Variants in COL22A1 observed in about 807,000 individuals in gnomAD.
COL22A1 encodes the protein collagen alpha-1(XXII) chain.
COL22A1 carries 221 observed loss-of-function variants against 248.9 expected under a neutral mutation model. That is an observed-to-expected ratio of 0.89 (90% CI 0.80 to 0.99). The LOEUF (loss-of-function observed/expected upper bound fraction) is 0.99. Ranked by LOEUF, COL22A1 falls within the 50% of genes least tolerant of loss-of-function variation. The pLI, the probability that COL22A1 is intolerant of heterozygous loss-of-function variation, is 0.00. For synonymous variants in COL22A1, 891 were observed against 793.4 expected, an observed-to-expected ratio of 1.12 and a Z score of -2.07; for missense variants, 2,240 against 2,179.0, an observed-to-expected ratio of 1.03 and a Z score of -0.56.
At chr8:138,692,353 C>G (rs905643184) in intron 35 of COL22A1, among the ~76,000 whole-genome samples, 2 of 104,886 alleles carry the variant, frequency 1.9e-5, no homozygotes, top group African/African-American at 3.3e-5. Context: ...TGTATGTGTG[C>G]ACATGTGTGC....
chr8:138,643,116 G>C (rs1821865579), intron 47 of COL22A1, among the ~76,000 whole-genome samples: 1 of 152,110 alleles, frequency 6.6e-6, no homozygotes, highest in Non-Finnish European at 1.5e-5. Context: ...TTAAGGATCA[G>C]TTAAAATTTG....
intron 13 of COL22A1, 69 bp downstream of exon 13, chr8:138,780,858 G>A (rs556052213): frequency 1.1e-5 from 15 of 1,327,180 alleles, no homozygotes; most frequent in South Asian, 8.2e-5. Flanking sequence ...TTAAGGACAC[G>A]GGGTTCTGAC....
intron 3 of COL22A1, among the ~76,000 whole-genome samples, chr8:138,854,916 T>C (rs1046251285): frequency 6.6e-6 from 1 of 151,868 alleles, no homozygotes; most frequent in Non-Finnish European, 1.5e-5. Flanking sequence ...GTGATGGTGA[T>C]GCTGATGGTG....
At chr8:138,760,162 G>C (rs910722731) in intron 18 of COL22A1, 81 bp downstream of exon 18, 2 of 1,250,600 alleles carry the variant, frequency 1.6e-6, no homozygotes, top group African/African-American at 1.6e-5. Flanking sequence ...CCCCTTCCCT[G>C]AGCCTGGTTT....
At chr8:138,696,766 C>T (rs1264408855) in intron 32 of COL22A1, among the ~76,000 whole-genome samples, 2 of 152,238 alleles carry the variant, frequency 1.3e-5, no homozygotes, top group East Asian at 1.9e-4. Flanking sequence ...GAGGTTTCAA[C>T]GGATGCCAGC....
intron 27 of COL22A1, among the ~76,000 whole-genome samples, chr8:138,720,296 C>A (rs1829769317): frequency 6.6e-6 from 1 of 152,180 alleles, no homozygotes; most frequent in South Asian, 2.1e-4. Flanking sequence ...GATTAGGAAG[C>A]ATCGCAGTGA....
intron 3 of COL22A1, among the ~76,000 whole-genome samples, chr8:138,857,935 G>A (rs763752927): frequency 1.1e-4 from 16 of 152,284 alleles, no homozygotes; most frequent in Non-Finnish European, 1.9e-4. Flanking sequence ...GTATAGCTTT[G>A]TGAACTGCTC....
At chr8:138,853,640 G>A (rs1201762370) in intron 3 of COL22A1, among the ~76,000 whole-genome samples, 3 of 152,252 alleles carry the variant, frequency 2.0e-5, no homozygotes, top group East Asian at 3.9e-4. Flanking sequence ...ATTATTCCAA[G>A]GAGCTCAACA....
At chr8:138,664,895 G>A (rs776952230) in intron 41 of COL22A1, among the ~76,000 whole-genome samples, 1 of 152,076 alleles carries the variant, frequency 6.6e-6, no homozygotes. Flanking sequence ...CCCTAGCAAC[G>A]CCAGGAGTCA....
At chr8:138,736,168 T>C (rs1456335855) in intron 23 of COL22A1, among the ~76,000 whole-genome samples, 2 of 151,930 alleles carry the variant, frequency 1.3e-5, no homozygotes, top group Admixed American at 1.3e-4. Flanking sequence ...CCTCCTTTTT[T>C]ATGGCGAGAG....
chr8:138,719,910 C>T (rs372095338), intron 27 of COL22A1, among the ~76,000 whole-genome samples: 49 of 152,270 alleles, frequency 3.2e-4, no homozygotes, highest in African/African-American at 1.0e-3. Flanking sequence ...GGGTGGAGGG[C>T]GGGAGGAGCA....
At chr8:138,683,780 CTG>C (rs1408951497) in intron 39 of COL22A1, among the ~76,000 whole-genome samples, 1 of 152,152 alleles carries the variant, frequency 6.6e-6, no homozygotes, top group Non-Finnish European at 1.5e-5. Flanking sequence ...TGAACTTTTA[CTG>C]TGTTAAGCCT....
At chr8:138,660,780 G>GCACA (rs909512784) in intron 43 of COL22A1, among the ~76,000 whole-genome samples, 17 of 128,250 alleles carry the variant, frequency 1.3e-4, no homozygotes, top group South Asian at 2.4e-4. Context: ...ATGCACGCAT[G>GCACA]CACACACACA....
rs1449478896 is a variant in COL22A1 at position 138,660,917 on chromosome 8, CACACACACAG to C, written c.3241-447_3241-438del. On this transcript the variant is annotated intron_variant, in intron 43 of 64. Coordinates refer to ENST00000303045, the MANE Select transcript of COL22A1 (RefSeq NM_152888.3). Reference sequence around the variant, plus strand: ...ACACACAAACACACACATACACAGACACACACACAGACACACAGACACACACATAAACACA... The same window carrying C: ...ACACACAAACACACACATACACAGACACACACAGACACACACATAAACACA... Among the ~76,000 whole-genome samples, 176 of 145,272 alleles carry C rather than the reference CACACACACAG, an allele frequency of 1.2e-3. 2 individuals carry two copies. The highest frequency in any genetic ancestry group is 4.4e-3 in the African/African-American group (165 of 37,206).
chr8:138,888,609 G>C (rs2132098796), intron 1 of COL22A1, among the ~76,000 whole-genome samples: 1 of 152,290 alleles, frequency 6.6e-6, no homozygotes, highest in South Asian at 2.1e-4. Context: ...AGAGCACAGG[G>C]TATAATAGTC....
chr8:138,871,707 AAT>A (rs1823358061), intron 3 of COL22A1, among the ~76,000 whole-genome samples: 1 of 152,170 alleles, frequency 6.6e-6, no homozygotes, highest in South Asian at 2.1e-4. Context: ...ATAAGTCAAT[AAT>A]ATGTGAAAAG....
chr8:138,802,177 G>A (rs1217352078), intron 11 of COL22A1, among the ~76,000 whole-genome samples: 1 of 152,134 alleles, frequency 6.6e-6, no homozygotes. Flanking sequence ...TAAGTATCTT[G>A]GTGAAGCCGG....
At chr8:138,662,180 G>A (rs1824026095) in intron 42 of COL22A1, 97 bp from the exon 43 acceptor site, 2 of 980,616 alleles carry the variant, frequency 2.0e-6, no homozygotes, top group African/African-American at 1.6e-5. Flanking sequence ...TCAACACATG[G>A]TCTGTTGCTA....
intron 8 of COL22A1, among the ~76,000 whole-genome samples, chr8:138,812,538 C>A (rs1031477912): frequency 4.6e-5 from 7 of 152,168 alleles, no homozygotes; most frequent in African/African-American, 1.4e-4. Flanking sequence ...AAGGGGCAAA[C>A]CCTGGTGTCT....
Sources: gnomAD v4.1 joint callset for allele counts (sites outside exome capture counted in the v4.1 genomes callset) on GRCh38, gnomAD v4.1.1 for gene constraint, MANE v1.5 for transcripts, NCBI Gene and HGNC (gene_info 2026-07-23, HGNC 2026-07-21) for gene names.